Variants in EYS observed in about 807,000 individuals in gnomAD.
EYS encodes the protein protein eyes shut homolog.
In EYS, 250 loss-of-function variants were observed where a neutral mutation model predicts 282.1. The observed-to-expected ratio is 0.89, with a 90% CI of 0.80 to 0.98. EYS has a LOEUF of 0.98. Ranked by LOEUF, EYS falls within the 50% of genes least tolerant of loss-of-function variation. The probability of loss-of-function intolerance (pLI) is 0.00; values close to 1 mark genes in which losing one functional copy is unlikely to be tolerated. For synonymous variants in EYS, 1,355 were observed against 1,282.9 expected (o/e 1.06, Z -1.20); for missense variants, 4,016 against 3,709.0 (o/e 1.08, Z -2.15).
chr6:63,973,593 T>G (rs1286895611), intron 35 of EYS, among the ~76,000 whole-genome samples: 1 of 152,142 alleles, frequency 6.6e-6, no homozygotes, highest in Non-Finnish European at 1.5e-5. Flanking sequence ...AAAACTATAT[T>G]ATAAAGATAT....
Position 64,885,748 on chromosome 6 carries a change from G to T in EYS, c.2992+949C>A, listed in dbSNP as rs574116639. ...CCTCTGAAGCCATCAAGATTTCTCA[G>T]GAAAGACACCTTCATATTTCTTTTT... On this transcript the variant is annotated intron_variant, in intron 19 of 42. Coordinates refer to ENST00000503581, the MANE Select transcript of EYS (RefSeq NM_001142800.2). Among the ~76,000 whole-genome samples the T allele has an allele frequency of 5.9e-5, 9 of 151,808 alleles. No individual in the cohort carries two copies. The East Asian group carries it at 1.2e-3, about 20-fold the overall frequency.
chr6:64,162,136 G>A (rs918916409), intron 31 of EYS, among the ~76,000 whole-genome samples: 5 of 152,058 alleles, frequency 3.3e-5, no homozygotes, highest in African/African-American at 1.2e-4. Context: ...TTCCACCCAC[G>A]TAAAAGGGTA....
At chr6:64,241,554 G>A (rs9353651) in intron 30 of EYS, among the ~76,000 whole-genome samples, 47,323 of 151,374 alleles carry the variant, frequency 0.31, 7,351 homozygotes, top group East Asian at 0.51. Flanking sequence ...ATTTCTGTGG[G>A]GTCAGTGTTG....
chr6:64,373,705 G>A (rs1270157316), intron 29 of EYS, among the ~76,000 whole-genome samples: 1 of 152,214 alleles, frequency 6.6e-6, no homozygotes, highest in African/African-American at 2.4e-5. Flanking sequence ...ATCAGCAGGA[G>A]GGGTGGGTAG....
chr6:65,053,054 A>G (rs1424802495), intron 13 of EYS, among the ~76,000 whole-genome samples: 1 of 151,808 alleles, frequency 6.6e-6, no homozygotes, highest in Non-Finnish European at 1.5e-5. Context: ...ATGCATAAAA[A>G]CACTGCATTA....
intron 31 of EYS, among the ~76,000 whole-genome samples, chr6:64,184,730 T>C (rs1431566973): frequency 6.6e-6 from 1 of 152,204 alleles, no homozygotes; most frequent in Non-Finnish European, 1.5e-5. Context: ...CAAATGTAAA[T>C]TGATTTCACA....
intron 33 of EYS, among the ~76,000 whole-genome samples, chr6:64,013,429 C>T (rs574949736): frequency 6.0e-4 from 91 of 152,248 alleles, no homozygotes; most frequent in African/African-American, 2.1e-3. Context: ...AATTTGCATC[C>T]AGAAAGCTTC....
intron 12 of EYS, among the ~76,000 whole-genome samples, chr6:65,070,672 T>C (rs1173650314): frequency 1.3e-5 from 2 of 151,812 alleles, no homozygotes; most frequent in East Asian, 1.9e-4. Flanking sequence ...TTTTGAGAAA[T>C]CTTCTTTTTC....
At chr6:63,798,169 G>A (rs1374529571) in intron 37 of EYS, 1 of 152,186 alleles carries the variant, frequency 6.6e-6, no homozygotes, top group Non-Finnish European at 1.5e-5. Flanking sequence ...TTGAAAAAAA[G>A]ATGGGGGAAG....
At chr6:64,666,432 A>G (rs1769230334) in intron 22 of EYS, among the ~76,000 whole-genome samples, 1 of 152,186 alleles carries the variant, frequency 6.6e-6, no homozygotes, top group Non-Finnish European at 1.5e-5. Flanking sequence ...GATCAATGCA[A>G]TAAATCAATC....
At chr6:64,052,033 A>G (rs1036236986) in intron 33 of EYS, among the ~76,000 whole-genome samples, 1 of 152,230 alleles carries the variant, frequency 6.6e-6, no homozygotes, top group Non-Finnish European at 1.5e-5. Context: ...TTTCTTCATC[A>G]GAAAAATGAG....
At chr6:64,491,944 T>G (rs1776753345) in intron 26 of EYS, among the ~76,000 whole-genome samples, 1 of 151,178 alleles carries the variant, frequency 6.6e-6, no homozygotes, top group Admixed American at 6.6e-5. Flanking sequence ...TTAATCCCTT[T>G]AATGCCAAGA....
In EYS at chr6:65,459,178, T is replaced by A. The variant is rs371922105; in HGVS notation, c.862+31416A>T. Among the ~76,000 whole-genome samples the A allele has an allele frequency of 6.6e-5, 10 of 152,082 alleles. No individual in the cohort carries two copies. The East Asian group carries it at 7.7e-4, about 12-fold the overall frequency. On this transcript the variant is annotated intron_variant, in intron 5 of 42. Transcript: ENST00000503581. ...CTTTGCCAAAATTAATTGAGCAAGA[T>A]GCACCTGCTGGTTTGAAAGGCCAGC...
chr6:65,159,384 G>A (rs952687218), intron 12 of EYS, among the ~76,000 whole-genome samples: 9 of 150,730 alleles, frequency 6.0e-5, no homozygotes, highest in South Asian at 2.1e-4. Context: ...TAATACTTCC[G>A]TTTTATCTCC....
chr6:65,628,757 G>T (rs939584567), intron 2 of EYS, among the ~76,000 whole-genome samples: 1 of 152,148 alleles, frequency 6.6e-6, no homozygotes, highest in Non-Finnish European at 1.5e-5. Flanking sequence ...CTGAACATCA[G>T]AAGGGACAGA....
intron 26 of EYS, among the ~76,000 whole-genome samples, chr6:64,498,969 A>G (rs1776963943): frequency 6.6e-6 from 1 of 152,188 alleles, no homozygotes; most frequent in African/African-American, 2.4e-5. Flanking sequence ...TCCTTTGGGT[A>G]TATACCCAGT....
intron 12 of EYS, among the ~76,000 whole-genome samples, chr6:65,117,453 C>T (rs1775407846): frequency 6.6e-6 from 1 of 152,140 alleles, no homozygotes; most frequent in Admixed American, 6.5e-5. Context: ...TGTGCCTTTT[C>T]ACTCTCTAAT....
chr6:64,525,128 G>GC (rs1267777621), intron 26 of EYS, among the ~76,000 whole-genome samples: 2 of 151,770 alleles, frequency 1.3e-5, no homozygotes, highest in African/African-American at 4.8e-5. Flanking sequence ...ATTCCTCAAA[G>GC]AGCTAAAAGC....
At chr6:63,877,439 A>G (rs1430215390) in intron 35 of EYS, among the ~76,000 whole-genome samples, 1 of 152,022 alleles carries the variant, frequency 6.6e-6, no homozygotes, top group Admixed American at 6.6e-5. Flanking sequence ...GAATCTGACA[A>G]TTACGTGTCT....
Sources: gnomAD v4.1 joint callset for allele counts (sites outside exome capture counted in the v4.1 genomes callset) on GRCh38, gnomAD v4.1.1 for gene constraint, MANE v1.5 for transcripts, NCBI Gene and HGNC (gene_info 2026-07-23, HGNC 2026-07-21) for gene names.